ESR1: variants seen among roughly 807,000 people sequenced by gnomAD.
ESR1 encodes estrogen receptor.
Under a neutral mutation model 52.7 loss-of-function variants are expected in ESR1, and 12 were observed. The observed-to-expected ratio is 0.23, with a 90% confidence interval of 0.15 to 0.37. The LOEUF (loss-of-function observed/expected upper bound fraction) is 0.37. Among genes scored for constraint, ESR1 ranks in the 10% least tolerant of loss-of-function variants. The pLI is 1.00. For missense variants in ESR1, 584 were observed against 779.7 expected (o/e 0.75, Z 2.99); for synonymous variants, 305 against 316.8 (o/e 0.96, Z 0.39).
At chr6:152,120,671 G>A (rs1157332756) in intron 6 of ESR1, among the ~76,000 whole-genome samples, 1 of 152,122 alleles carries the variant, frequency 6.6e-6, no homozygotes, top group Admixed American at 6.5e-5. Flanking sequence ...CAGCAGTTAG[G>A]AGGAATAAAG....
intron 2 of ESR1, among the ~76,000 whole-genome samples, chr6:151,761,793 G>T (rs1784679666): frequency 1.3e-5 from 2 of 152,156 alleles, no homozygotes; most frequent in Non-Finnish European, 2.9e-5. Flanking sequence ...CTCCATCAGT[G>T]GTTCTCAAAC....
intron 1 of ESR1, 140 bp from the exon 2 acceptor site, chr6:151,842,457 G>A (rs557596765): frequency 2.4e-5 from 20 of 819,968 alleles, no homozygotes; most frequent in South Asian, 4.4e-5. Flanking sequence ...TGCAACAGAC[G>A]GCAAGAGGTA....
intron 4 of ESR1, chr6:151,983,593 A>G (rs1344647069): frequency 9.2e-5 from 14 of 152,086 alleles, no homozygotes; most frequent in Admixed American, 8.5e-4. Context: ...TTTATTTCCA[A>G]TGGAAAAAAA....
At chr6:151,979,610 A>C (rs1562625271) in intron 4 of ESR1, among the ~76,000 whole-genome samples, 2 of 152,186 alleles carry the variant, frequency 1.3e-5, no homozygotes, top group African/African-American at 4.8e-5. Context: ...AGGAAGGCAG[A>C]GTGTGGAACC....
At chr6:152,103,980 C>CTTTTTT (rs369261779), downstream of ESR1, among the ~76,000 whole-genome samples, 28 of 93,864 alleles carry the variant, frequency 3.0e-4, no homozygotes, top group African/African-American at 4.2e-4. Context: ...TTCATTCTAC[C>CTTTTTT]TTTTTTTTTT....
chr6:152,024,313 C>A (rs1315224845), intron 5 of ESR1, among the ~76,000 whole-genome samples: 1 of 152,058 alleles, frequency 6.6e-6, no homozygotes, highest in Admixed American at 6.6e-5. Context: ...CATGCTATCC[C>A]ACCAAATATT....
At chr6:151,774,671 A>G (rs1315622404) in intron 2 of ESR1, among the ~76,000 whole-genome samples, 1 of 152,206 alleles carries the variant, frequency 6.6e-6, no homozygotes, top group African/African-American at 2.4e-5. Context: ...GTCTATATTA[A>G]GGGAAAGTAT....
At chr6:151,715,953 T>C (rs1182412193) in intron 2 of ESR1, among the ~76,000 whole-genome samples, 6 of 152,226 alleles carry the variant, frequency 3.9e-5, no homozygotes, top group Non-Finnish European at 8.8e-5. Flanking sequence ...TGTACTGGTT[T>C]ATTCTCATCT....
At chr6:151,994,258 G>A (rs1266133966) in intron 4 of ESR1, among the ~76,000 whole-genome samples, 1 of 152,062 alleles carries the variant, frequency 6.6e-6, no homozygotes, top group Non-Finnish European at 1.5e-5. Context: ...TCAAACAAGT[G>A]GACTGCACTA....
chr6:151,784,182 A>T (rs532458391), intron 2 of ESR1, among the ~76,000 whole-genome samples: 1 of 152,270 alleles, frequency 6.6e-6, no homozygotes, highest in East Asian at 1.9e-4. Flanking sequence ...ACAATGAAGG[A>T]GTGGGGAGCT....
At chr6:151,985,677 A>G (rs2040421006) in intron 4 of ESR1, among the ~76,000 whole-genome samples, 1 of 151,822 alleles carries the variant, frequency 6.6e-6, no homozygotes, top group African/African-American at 2.4e-5. Context: ...AAAATTATTT[A>G]TTTATTTTGA....
chr6:152,029,701 A>T (rs1369182721), intron 5 of ESR1, among the ~76,000 whole-genome samples: 1 of 152,232 alleles, frequency 6.6e-6, no homozygotes, highest in African/African-American at 2.4e-5. Context: ...AATGGAACCA[A>T]GTTGGAAAAC....
At chr6:151,963,442 C>G (rs570706377) in intron 4 of ESR1, among the ~76,000 whole-genome samples, 43 of 152,292 alleles carry the variant, frequency 2.8e-4, no homozygotes, top group African/African-American at 7.5e-4. Context: ...CAGTTGGTAT[C>G]CCAAAGTGTG....
At chr6:151,902,785 G>A (rs1431910085) in intron 3 of ESR1, among the ~76,000 whole-genome samples, 1 of 152,154 alleles carries the variant, frequency 6.6e-6, no homozygotes, top group Non-Finnish European at 1.5e-5. Flanking sequence ...TGGTTACAAT[G>A]GGTAATGAAA....
At chr6:152,104,251 CTA>C (rs1451186360), downstream of ESR1, among the ~76,000 whole-genome samples, 3 of 152,140 alleles carry the variant, frequency 2.0e-5, no homozygotes, top group Admixed American at 2.0e-4. Context: ...TTTCAGGAAA[CTA>C]ATTCATTTTC....
chr6:151,815,657 C>T (rs1433052893), intron 1 of ESR1, among the ~76,000 whole-genome samples: 1 of 152,160 alleles, frequency 6.6e-6, no homozygotes, highest in East Asian at 1.9e-4. Flanking sequence ...TACAGTCGGC[C>T]CTCATTATTC....
At chr6:151,771,147 T>C (rs775470620) in intron 2 of ESR1, among the ~76,000 whole-genome samples, 47 of 152,220 alleles carry the variant, frequency 3.1e-4, no homozygotes, top group Non-Finnish European at 6.6e-4. Context: ...AGACAACGAC[T>C]CTCACTCTCC....
chr6:151,686,064 A>ATTTTTTTTTTTTTTTTT (rs557270210), upstream of ESR1, among the ~76,000 whole-genome samples: 69 of 114,326 alleles, frequency 6.0e-4, 2 homozygotes, highest in African/African-American at 2.6e-3. Flanking sequence ...AATTAAAACA[A>ATTTTTTTTTTTTTTTTT]TTTTTTTTTT....
At chr6:151,820,993 T>C (rs568562731) in intron 1 of ESR1, among the ~76,000 whole-genome samples, 2 of 152,166 alleles carry the variant, frequency 1.3e-5, no homozygotes, top group Non-Finnish European at 2.9e-5. Context: ...AATCATAGTA[T>C]TGTCATCTAG....
Sources: allele counts gnomAD v4.1 joint callset (sites outside exome capture counted in the v4.1 genomes callset), GRCh38; gene constraint gnomAD v4.1.1; transcripts MANE v1.5; gene names NCBI Gene and HGNC (gene_info 2026-07-23, HGNC 2026-07-21).